Variants in OPCML observed in about 807,000 individuals in gnomAD.
The protein encoded by OPCML is opioid-binding protein/cell adhesion molecule.
A neutral mutation model predicts 37.8 loss-of-function variants in OPCML; 13 were observed. The observed-to-expected ratio is 0.34, with a 90% CI of 0.22 to 0.55. OPCML has a LOEUF of 0.55. Among genes scored for constraint, OPCML ranks in the 20% least tolerant of loss-of-function variants. The pLI, the probability that OPCML is intolerant of heterozygous loss-of-function variation, is 0.91. For synonymous variants in OPCML, 176 were observed against 168.8 expected (o/e 1.04, Z -0.33); for missense variants, 341 against 435.6 (o/e 0.78, Z 1.93).
chr11:132,921,327 C>A (rs1471436723), intron 2 of OPCML, among the ~76,000 whole-genome samples: 1 of 152,030 alleles, frequency 6.6e-6, no homozygotes, highest in African/African-American at 2.4e-5. Context: ...TTGGTTGTCC[C>A]TTTATTGCAC....
At chr11:133,215,691 C>T (rs1385288163) in intron 1 of OPCML, among the ~76,000 whole-genome samples, 1 of 152,082 alleles carries the variant, frequency 6.6e-6, no homozygotes, top group Non-Finnish European at 1.5e-5. Flanking sequence ...TACTTTGATG[C>T]CCCGAGGGAG....
chr11:132,468,911 A>C (rs1209976848), intron 4 of OPCML, among the ~76,000 whole-genome samples: 1 of 152,190 alleles, frequency 6.6e-6, no homozygotes, highest in African/African-American at 2.4e-5. Context: ...TCACACCCAG[A>C]TATCCCACAG....
intron 3 of OPCML, among the ~76,000 whole-genome samples, chr11:132,622,426 G>C (rs1187314858): frequency 2.6e-5 from 4 of 152,168 alleles, no homozygotes; most frequent in African/African-American, 9.7e-5. Context: ...AAGGACTTGA[G>C]ATGAGAAATA....
At chr11:132,604,924 T>C (rs905115670) in intron 3 of OPCML, among the ~76,000 whole-genome samples, 2 of 152,114 alleles carry the variant, frequency 1.3e-5, no homozygotes, top group Non-Finnish European at 2.9e-5. Flanking sequence ...GCTAAGGAAC[T>C]TGGAATCCAT....
At chr11:133,178,864 AAC>A (rs1448658687) in intron 1 of OPCML, among the ~76,000 whole-genome samples, 5 of 152,206 alleles carry the variant, frequency 3.3e-5, no homozygotes, top group African/African-American at 1.2e-4. Flanking sequence ...GGCTTACAGA[AAC>A]ACACATACAG....
At chr11:133,402,516 G>T (rs1302061365) in intron 1 of OPCML, among the ~76,000 whole-genome samples, 2 of 152,174 alleles carry the variant, frequency 1.3e-5, no homozygotes, top group Non-Finnish European at 2.9e-5. Context: ...TGATCAGGAT[G>T]ATCAGTCTCT....
chr11:132,545,837 T>A (rs558459038), intron 3 of OPCML, among the ~76,000 whole-genome samples: 55 of 152,378 alleles, frequency 3.6e-4, no homozygotes, highest in African/African-American at 1.2e-3. Flanking sequence ...ATCCACAGAA[T>A]GTGAGTTGAT....
chr11:133,482,879 A>G (rs577812909), intron 1 of OPCML, among the ~76,000 whole-genome samples: 1 of 152,314 alleles, frequency 6.6e-6, no homozygotes, highest in Non-Finnish European at 1.5e-5. Context: ...GTTGGCTTAA[A>G]CAAACGCCCA....
rs149162287 is a variant in OPCML at position 133,012,529 on chromosome 11, T to C, written c.62-69519A>G. ...CATGACAGAAACTCAACTCATAGTT[T>C]AGATTAGATTAAAAGCAAAAGTGAA... On this transcript the variant is annotated intron_variant, in intron 1 of 7. Transcript: ENST00000524381. Among the ~76,000 whole-genome samples the C allele has an allele frequency of 4.3e-4, 65 of 152,314 alleles. No individual in the cohort carries two copies. The East Asian group carries it at 0.012, about 28-fold the overall frequency.
At chr11:133,117,374 A>G (rs1362005361) in intron 1 of OPCML, among the ~76,000 whole-genome samples, 1 of 152,114 alleles carries the variant, frequency 6.6e-6, no homozygotes, top group Admixed American at 6.5e-5. Context: ...GCCCTTGAGG[A>G]GAACCTGTGA....
intron 2 of OPCML, among the ~76,000 whole-genome samples, chr11:132,818,643 A>ATT (rs1939780014): frequency 1.9e-5 from 1 of 53,236 alleles, no homozygotes; most frequent in Non-Finnish European, 2.9e-5. Flanking sequence ...GATAGATATG[A>ATT]GTGTATATAT....
At chr11:133,478,400 G>T (rs1343228634) in intron 1 of OPCML, among the ~76,000 whole-genome samples, 1 of 152,074 alleles carries the variant, frequency 6.6e-6, no homozygotes, top group Non-Finnish European at 1.5e-5. Flanking sequence ...CCTGACCAAG[G>T]GTCTCGGACC....
At chr11:133,060,158 T>TCCTCTCCCTCTC (rs553478664) in intron 1 of OPCML, among the ~76,000 whole-genome samples, 16 of 151,298 alleles carry the variant, frequency 1.1e-4, no homozygotes, top group Admixed American at 9.2e-4. Flanking sequence ...AATCTTATTC[T>TCCTCTCCCTCTC]CCTCTCCCTC....
intron 4 of OPCML, among the ~76,000 whole-genome samples, chr11:132,515,070 A>G (rs998253752): frequency 6.6e-6 from 1 of 152,182 alleles, no homozygotes; most frequent in Non-Finnish European, 1.5e-5. Context: ...AGCAGAGGTG[A>G]GCTGAGCAGA....
intron 1 of OPCML, among the ~76,000 whole-genome samples, chr11:133,381,989 G>A (rs1418144207): frequency 6.6e-6 from 1 of 152,196 alleles, no homozygotes; most frequent in Non-Finnish European, 1.5e-5. Context: ...TGGGAGGGAG[G>A]CCGGAGCATC....
intron 2 of OPCML, among the ~76,000 whole-genome samples, chr11:132,692,723 A>C (rs776587904): frequency 8.5e-5 from 13 of 152,234 alleles, no homozygotes; most frequent in Non-Finnish European, 1.5e-4. Flanking sequence ...TAGGTGCTCC[A>C]TGAATGTTTA....
chr11:133,167,647 A>C (rs1027843471), intron 1 of OPCML, among the ~76,000 whole-genome samples: 1 of 151,850 alleles, frequency 6.6e-6, no homozygotes, highest in African/African-American at 2.4e-5. Context: ...CTTTCTGCAT[A>C]ATCTCCAGGG....
At chr11:133,371,941 G>T (rs1234047440) in intron 1 of OPCML, among the ~76,000 whole-genome samples, 1 of 152,176 alleles carries the variant, frequency 6.6e-6, no homozygotes, top group Non-Finnish European at 1.5e-5. Flanking sequence ...AATATTGCAT[G>T]TTGTTACTTA....
intron 2 of OPCML, among the ~76,000 whole-genome samples, chr11:132,665,087 G>A (rs990014659): frequency 6.6e-6 from 1 of 152,160 alleles, no homozygotes; most frequent in South Asian, 2.1e-4. Flanking sequence ...GCATGCCCAC[G>A]TGTGTGTGCA....
Sources: allele counts gnomAD v4.1 joint callset (sites outside exome capture counted in the v4.1 genomes callset), GRCh38; gene constraint gnomAD v4.1.1; transcripts MANE v1.5; gene names NCBI Gene and HGNC (gene_info 2026-07-23, HGNC 2026-07-21).